The following PLEKHA7 variants were observed in gnomAD, a reference collection of about 807,000 sequenced individuals.
PLEKHA7 encodes pleckstrin homology domain containing A7.
PLEKHA7 carries 104 observed loss-of-function variants against 170.0 expected under a neutral mutation model. The observed-to-expected ratio is 0.61, with a 90% CI of 0.52 to 0.72. PLEKHA7 has a LOEUF of 0.72. Among genes scored for constraint, PLEKHA7 ranks in the 30% least tolerant of loss-of-function variants. PLEKHA7 has a pLI of 0.00. For missense variants in PLEKHA7, 1,615 were observed against 1,671.7 expected (o/e 0.97, Z 0.59); for synonymous variants, 648 against 660.8 (o/e 0.98, Z 0.30).
intron 17 of PLEKHA7, among the ~76,000 whole-genome samples, chr11:16,796,100 C>G (rs1165902338): frequency 1.3e-5 from 2 of 152,060 alleles, no homozygotes; most frequent in Non-Finnish European, 2.9e-5. Context: ...CTCAGATGAT[C>G]TGCCTGCCTC....
intron 7 of PLEKHA7, 109 bp downstream of exon 7, chr11:16,852,174 C>A: frequency 1.1e-6 from 1 of 885,882 alleles, no homozygotes; most frequent in Admixed American, 2.2e-5. Flanking sequence ...TTATTTTAAC[C>A]CAACAGATTG....
Position 16,865,492 on chromosome 11 carries a change from G to A in PLEKHA7, c.305+5607C>T, listed in dbSNP as rs12805659. ...TAATCCCAGCGCTTTGGGAGGCTGA[G>A]GCAGATGGACTGCTTGAGGCTAGAA... On this transcript the variant is annotated intron_variant, in intron 4 of 26. Transcript: ENST00000531066. Among the ~76,000 whole-genome samples the A allele has an allele frequency of 3.6e-3, 542 of 152,298 alleles. 2 individuals carry two copies. The highest frequency in any genetic ancestry group is 6.4e-3 in the Non-Finnish European group (433 of 68,038).
chr11:16,789,588 C>A lies in PLEKHA7; in HGVS notation c.3156+187G>T, dbSNP rs1411653421. ...CTTGAGCTCCCTCCTGCCACCCTGA[C>A]AGGCCAGAGAGAAAGGCAGGATGCC... On this transcript the variant is annotated intron_variant, in intron 22 of 26. Coordinates refer to ENST00000531066, the MANE Select transcript of PLEKHA7 (RefSeq NM_001329630.2). This position sits in a 1 kb window ranked among gnomAD's most constrained non-coding sequence, Gnocchi z 4.6. 34 of 632,938 alleles carry A rather than the reference C, an allele frequency of 5.4e-5. No individual in the cohort carries two copies. The East Asian group carries it at 8.7e-4, about 16-fold the overall frequency. 39.2% of individuals were successfully genotyped at this position (632,938 alleles called of 1,614,324 possible). A position where few individuals can be genotyped will look rare whatever the true frequency, so the allele number is the denominator to read the frequency against.
At chr11:16,876,749 C>T (rs1033036881) in intron 3 of PLEKHA7, among the ~76,000 whole-genome samples, 1 of 152,210 alleles carries the variant, frequency 6.6e-6, no homozygotes, top group African/African-American at 2.4e-5. Context: ...AATGTAAATG[C>T]ATCCTATGGT....
intron 3 of PLEKHA7, among the ~76,000 whole-genome samples, chr11:16,923,369 C>T (rs914204869): frequency 6.6e-6 from 1 of 152,174 alleles, no homozygotes; most frequent in Non-Finnish European, 1.5e-5. Context: ...AAGCAAGAGC[C>T]CTGTGTGTTA....
chr11:16,828,995 G>A (rs949244601), intron 9 of PLEKHA7, among the ~76,000 whole-genome samples: 2 of 151,612 alleles, frequency 1.3e-5, no homozygotes, highest in Non-Finnish European at 2.9e-5. Context: ...TTCTGGTTGT[G>A]AATAAATAAA....
intron 3 of PLEKHA7, among the ~76,000 whole-genome samples, chr11:16,889,859 AT>A: frequency 6.6e-6 from 1 of 152,202 alleles, no homozygotes; most frequent in Non-Finnish European, 1.5e-5. Context: ...TCATCAGACT[AT>A]TCAAAGTCAA....
intron 3 of PLEKHA7, among the ~76,000 whole-genome samples, chr11:16,980,369 C>T (rs967909871): frequency 1.3e-5 from 2 of 152,194 alleles, no homozygotes; most frequent in Admixed American, 1.3e-4. Context: ...CAGAGCTGGT[C>T]CCACAGAGAG....
intron 3 of PLEKHA7, among the ~76,000 whole-genome samples, chr11:16,883,567 G>C (rs1340777122): frequency 3.9e-5 from 6 of 152,098 alleles, no homozygotes; most frequent in African/African-American, 9.7e-5. Context: ...CTGCCCACCA[G>C]TCCCCAAGTC....
At chr11:16,836,804 T>TG (rs59154625) in intron 9 of PLEKHA7, among the ~76,000 whole-genome samples, 1 of 107,852 alleles carries the variant, frequency 9.3e-6, no homozygotes. Flanking sequence ...GGCTTTTTTT[T>TG]TTTGTTTTTT....
intron 8 of PLEKHA7, among the ~76,000 whole-genome samples, chr11:16,847,821 G>A (rs910490569): frequency 8.1e-5 from 11 of 136,336 alleles, no homozygotes; most frequent in Non-Finnish European, 1.1e-4. Flanking sequence ...CAGCCCGGGC[G>A]ACAAGAGCGA....
intron 10 of PLEKHA7, among the ~76,000 whole-genome samples, chr11:16,818,472 A>T (rs530155423): frequency 6.6e-6 from 1 of 152,252 alleles, no homozygotes; most frequent in East Asian, 1.9e-4. Flanking sequence ...ATTCTCTAGG[A>T]TGCTGGCTCA....
chr11:16,804,302 G>T (rs551313978), intron 13 of PLEKHA7, among the ~76,000 whole-genome samples: 5 of 152,340 alleles, frequency 3.3e-5, no homozygotes, highest in African/African-American at 1.2e-4. Flanking sequence ...GACAGGTGGT[G>T]TGTGTGTGCT....
intron 3 of PLEKHA7, among the ~76,000 whole-genome samples, chr11:16,990,712 G>GTA (rs1446887017): frequency 1.3e-5 from 2 of 152,096 alleles, no homozygotes; most frequent in Non-Finnish European, 2.9e-5. Context: ...CCAAATACTC[G>GTA]TACTACCTAA....
chr11:16,979,981 C>G lies in PLEKHA7; in HGVS notation c.221+34008G>C, dbSNP rs573987359. Among the ~76,000 whole-genome samples the G allele has an allele frequency of 1.9e-3, 286 of 152,292 alleles. 2 individuals carry two copies. Among genetic ancestry groups the G allele is most frequent in the African/African-American group, 6.6e-3 (275 of 41,564 alleles). On this transcript the variant is annotated intron_variant, in intron 3 of 26. Transcript: ENST00000531066. ...GCAGGTACACTCAGTGGCTGAGAAG[C>G]AAGGGGTCCTGCCACAGGCAGACTA... is the stretch of plus-strand genomic sequence containing the variant.
chr11:16,987,097 C>A (rs10832709), intron 3 of PLEKHA7, among the ~76,000 whole-genome samples: 60,001 of 152,078 alleles, frequency 0.39, 12,372 homozygotes, highest in East Asian at 0.56. Flanking sequence ...CTACAGCCTC[C>A]TGTGTATTCC....
rs560041490 is a variant in PLEKHA7, at chr11:16,913,229, T to TG, written c.222-42048dup. On this transcript the variant is annotated intron_variant, in intron 3 of 26. Transcript: ENST00000531066. Reference sequence around the variant, plus strand: ...TTGGGGCTGAAATGCAATTAGTCCCTGCTCCAGCCACATTTTTTTTTCCCC... The same window carrying TG: ...TTGGGGCTGAAATGCAATTAGTCCCTGGCTCCAGCCACATTTTTTTTTCCCC... Among the ~76,000 whole-genome samples the TG allele has an allele frequency of 1.8e-4, 28 of 152,318 alleles. 1 individual carries two copies. In the South Asian group the frequency reaches 5.6e-3, roughly 30 times the overall value.
At position 16,789,380 on chromosome 11, in the gene PLEKHA7, C is replaced by A; in HGVS notation, c.3157-84G>T. ...ACAGCCACCCTGCTGGCTGCATTCC[C>A]GTTGTCTCTCTCTCACACACATGCA... On this transcript the variant is annotated intron_variant, in intron 22 of 26. Transcript: ENST00000531066. The surrounding 1 kb of genome is among the most constrained non-coding windows in gnomAD (Gnocchi z 4.6). The A allele has an allele frequency of 7.6e-7, 1 of 1,309,450 alleles. No individual in the cohort carries two copies. The highest frequency in any genetic ancestry group is 2.3e-5 in the East Asian group (1 of 43,130). 81.1% of individuals were successfully genotyped at this position (1,309,450 alleles called of 1,614,324 possible).
chr11:16,827,785 AC>A (rs1850775486), intron 9 of PLEKHA7, among the ~76,000 whole-genome samples: 1 of 148,766 alleles, frequency 6.7e-6, no homozygotes, highest in Non-Finnish European at 1.5e-5. Context: ...AATAACAAAG[AC>A]GTTTACTTAG....
Sources: allele counts gnomAD v4.1 joint callset (sites outside exome capture counted in the v4.1 genomes callset), GRCh38; gene constraint gnomAD v4.1.1; non-coding constraint Gnocchi (gnomAD v3.1); transcripts MANE v1.5; gene names NCBI Gene and HGNC (gene_info 2026-07-23, HGNC 2026-07-21).